The following MTSS2 variants were observed in gnomAD, a reference collection of about 807,000 sequenced individuals.
The protein encoded by MTSS2 is MTSS I-BAR domain containing 2, also known as protein MTSS 2.
Under a neutral mutation model 67.1 loss-of-function variants are expected in MTSS2, and 27 were observed. The ratio of observed to expected loss-of-function variants is 0.40; its 90% CI spans 0.30 to 0.55. The LOEUF (loss-of-function observed/expected upper bound fraction) is 0.55, where lower values mean the gene tolerates loss of function less well. Among genes scored for constraint, MTSS2 ranks in the 20% least tolerant of loss-of-function variants. The probability of loss-of-function intolerance (pLI) is 0.43; values close to 1 mark genes in which losing one functional copy is unlikely to be tolerated. For missense variants in MTSS2, 1,171 were observed against 1,067.8 expected (o/e 1.10, Z -1.35); for synonymous variants, 624 against 468.6 (o/e 1.33, Z -4.28).
At position 70,661,502 on chromosome 16, in the gene MTSS2, A is replaced by AAAG. The variant is rs1217941361; in HGVS notation, c.*2172_*2174dup. On this transcript the variant is annotated 3_prime_UTR_variant, in exon 15 of 15. Coordinates refer to ENST00000338779, the MANE Select transcript of MTSS2 (RefSeq NM_138383.3). ...TACTTCAGTCAAAAGACGCTTTTGA[A>AAAG]AAGAATATTTCTCCGTACAAAATGA... is the stretch of plus-strand genomic sequence containing the variant. The AAAG allele has an allele frequency of 2.8e-6, 1 of 352,596 alleles. No homozygotes were observed. The highest frequency in any genetic ancestry group is 2.2e-5 in the African/African-American group (1 of 46,360). 21.8% of individuals were successfully genotyped at this position (352,596 alleles called of 1,614,324 possible).
chr16:70,676,795 A>G (rs2053129571), intron 10 of MTSS2, 86 bp downstream of exon 10: 9 of 1,204,866 alleles, frequency 7.5e-6, no homozygotes, highest in South Asian at 1.3e-5. Context: ...CCCTGAAGCA[A>G]TTTCTGATGC....
intron 11 of MTSS2, among the ~76,000 whole-genome samples, chr16:70,668,644 C>A (rs775101874): frequency 7.9e-5 from 12 of 152,208 alleles, no homozygotes; most frequent in South Asian, 2.1e-4. Flanking sequence ...ATCTTAACCC[C>A]CAAGATAAGG....
At chr16:70,671,928 G>C (rs2052950429) in intron 11 of MTSS2, among the ~76,000 whole-genome samples, 3 of 152,212 alleles carry the variant, frequency 2.0e-5, no homozygotes, top group African/African-American at 4.8e-5. Context: ...GCCAGATTTA[G>C]AGGCATCCTA....
At chr16:70,674,930 T>C (rs1239099495) in intron 10 of MTSS2, among the ~76,000 whole-genome samples, 2 of 151,968 alleles carry the variant, frequency 1.3e-5, no homozygotes, top group African/African-American at 4.8e-5. Context: ...CTGGAGAACA[T>C]AGCGAAACCC....
At chr16:70,664,831 C>T (rs2052641822) in intron 13 of MTSS2, 68 bp from the exon 14 acceptor site, 3 of 1,527,772 alleles carry the variant, frequency 2.0e-6, no homozygotes, top group Non-Finnish European at 2.6e-6. Context: ...TCCAGGCAGC[C>T]CTGCCAGGTG....
chr16:70,684,223 G>C (rs1017389288), intron 1 of MTSS2, among the ~76,000 whole-genome samples: 5 of 152,216 alleles, frequency 3.3e-5, no homozygotes, highest in Admixed American at 1.3e-4. Flanking sequence ...GCCAGGGGAG[G>C]GTGGTCTGTG....
intron 11 of MTSS2, 151 bp from the exon 12 acceptor site, chr16:70,665,691 G>A (rs1191506909): frequency 1.6e-6 from 1 of 624,998 alleles, no homozygotes; most frequent in East Asian, 2.8e-5. Context: ...CTACCCCAGG[G>A]CCACGGCCGC....
chr16:70,664,254 CCCGAGGGCAGGCCAGTGG>C lies in MTSS2; in HGVS notation c.1649_1666del (p.Ala550_Ser555del). Reference sequence around the variant, plus strand: ...GATGGTGGCCACGCCGGGGGGTGCGCCCGAGGGCAGGCCAGTGGCCGTGGGCAGCCCCGCGGTGGGCAG... The same window carrying C: ...GATGGTGGCCACGCCGGGGGGTGCGCCCGTGGGCAGCCCCGCGGTGGGCAG... On this transcript the variant is annotated inframe_deletion, in exon 15 of 15. Coordinates refer to ENST00000338779, the MANE Select transcript of MTSS2 (RefSeq NM_138383.3). The C allele has an allele frequency of 1.3e-6, 2 of 1,560,534 alleles. No homozygotes were observed. Among genetic ancestry groups the C allele is most frequent in the Non-Finnish European group, 1.7e-6 (2 of 1,160,028 alleles).
intron 1 of MTSS2, 104 bp from the exon 2 acceptor site, chr16:70,681,129 T>C: frequency 2.7e-6 from 3 of 1,098,070 alleles, no homozygotes; most frequent in Non-Finnish European, 3.9e-6. Flanking sequence ...GGGCAGTTTC[T>C]AAGACAGCAG....
Position 70,661,273 on chromosome 16 carries a change from A to ATAT in MTSS2, c.*2401_*2403dup, listed in dbSNP as rs1555507167. The ATAT allele has an allele frequency of 2.2e-6, 1 of 453,948 alleles. No homozygotes were observed. The highest frequency in any genetic ancestry group is 4.4e-6 in the Non-Finnish European group (1 of 226,204). The allele number at this position is 453,948 out of a possible 1,614,324, so 28.1% of individuals were successfully genotyped here. A position where few individuals can be genotyped will look rare whatever the true frequency, so the allele number is the denominator to read the frequency against. On this transcript the variant is annotated 3_prime_UTR_variant, in exon 15 of 15. Transcript: ENST00000338779. ...GCATCTGTTACTTGTAGCAGTGACT[A>ATAT]TATTTAAATCGGGGAGGATGGTGTG...
At chr16:70,672,514 G>A (rs1287202451) in intron 11 of MTSS2, among the ~76,000 whole-genome samples, 1 of 151,762 alleles carries the variant, frequency 6.6e-6, no homozygotes, top group Non-Finnish European at 1.5e-5. Context: ...TTTTAAAAAT[G>A]TTTTTGGTGG....
At chr16:70,679,554 TG>T in intron 6 of MTSS2, 75 bp downstream of exon 6, 1 of 1,456,278 alleles carries the variant, frequency 6.9e-7, no homozygotes, top group Non-Finnish European at 9.2e-7. Context: ...ATGAAGGCTT[TG>T]GGGCGCCCCA....
intron 13 of MTSS2, 63 bp downstream of exon 13, chr16:70,664,857 G>A (rs776941364): frequency 6.6e-7 from 1 of 1,514,874 alleles, no homozygotes; most frequent in Admixed American, 2.0e-5. Context: ...AGCCGGCCCT[G>A]AGGCCACTGG....
rs1011638414 is a variant in MTSS2 at position 70,686,041 on chromosome 16, C to T, written c.-250G>A. The T allele has an allele frequency of 2.7e-5, 4 of 147,076 alleles. No individual in the cohort carries two copies. The highest frequency in any genetic ancestry group is 1.0e-4 in the African/African-American group (4 of 40,082). The allele number at this position is 147,076 out of a possible 1,614,324, so 9.1% of individuals were successfully genotyped here. On this transcript the variant is annotated 5_prime_UTR_variant, in exon 1 of 15. Transcript: ENST00000338779. ...GCGCGGGCAGCTCGCGGCGCAGCCTCGGCGCGGGGACTGACGGCGGCGGTA... is the reference window on the plus strand; with the variant it reads ...GCGCGGGCAGCTCGCGGCGCAGCCTTGGCGCGGGGACTGACGGCGGCGGTA...
intron 11 of MTSS2, among the ~76,000 whole-genome samples, chr16:70,671,850 C>T (rs1053546033): frequency 2.0e-5 from 3 of 152,168 alleles, no homozygotes; most frequent in African/African-American, 4.8e-5. Context: ...TGGGGACAAC[C>T]GCACTTCTGT....
chr16:70,675,599 G>A (rs1313652256), intron 10 of MTSS2, among the ~76,000 whole-genome samples: 1 of 152,124 alleles, frequency 6.6e-6, no homozygotes, highest in African/African-American at 2.4e-5. Flanking sequence ...GTATTTTTTA[G>A]TAAAGACGGG....
rs755384011 is a variant in MTSS2 at position 70,677,867 on chromosome 16, G to A, written c.657C>T (p.Thr219=). 38 of 1,611,800 alleles carry A rather than the reference G, an allele frequency of 2.4e-5. No individual in the cohort carries two copies. The East Asian group carries it at 4.9e-4, about 21-fold the overall frequency. The part of the protein sequence containing the change: ...NGELTMLGEI[T]HLQGIIDDLV... ...AGTCGTCGATGATGCCCTGCAGGTGGGTGATCTCTCCCAGCATGGTCAGCT... is the reference window on the plus strand; with the variant it reads ...AGTCGTCGATGATGCCCTGCAGGTGAGTGATCTCTCCCAGCATGGTCAGCT... The change falls in exon 9 of 15, where the codon ACC becomes ACT. Residue 219 remains threonine (T), a synonymous_variant. Transcript: ENST00000338779.
intron 11 of MTSS2, 29 bp downstream of exon 11, chr16:70,674,277 C>G (rs747953364): frequency 6.2e-7 from 1 of 1,602,216 alleles, no homozygotes; most frequent in East Asian, 2.3e-5. Context: ...TGCACCCCAC[C>G]CTGACTGATC....
At chr16:70,679,356 G>C (rs1396305342) in intron 6 of MTSS2, 33 bp from the exon 7 acceptor site, 1 of 1,613,384 alleles carries the variant, frequency 6.2e-7, no homozygotes, top group East Asian at 2.2e-5. Context: ...GAGGAGGAGA[G>C]ACAGAGAAAG....
Sources: allele counts gnomAD v4.1 joint callset (sites outside exome capture counted in the v4.1 genomes callset), GRCh38; gene constraint gnomAD v4.1.1; transcripts MANE v1.5; gene names NCBI Gene and HGNC (gene_info 2026-07-23, HGNC 2026-07-21).